SYMPK: variants seen among roughly 807,000 people sequenced by gnomAD.
SYMPK encodes the protein symplekin scaffold protein.
A neutral mutation model predicts 136.4 loss-of-function variants in SYMPK; 49 were observed. The ratio of observed to expected loss-of-function variants is 0.36; its 90% confidence interval spans 0.29 to 0.46. The LOEUF is 0.46. Among genes scored for constraint, SYMPK ranks in the 20% least tolerant of loss-of-function variants. The pLI, the probability that SYMPK is intolerant of heterozygous loss-of-function variation, is 1.00. For missense variants in SYMPK, 1,365 were observed against 1,690.0 expected (o/e 0.81, Z 3.37); for synonymous variants, 766 against 713.0 (o/e 1.07, Z -1.19).
At position 45,818,133 on chromosome 19, in the gene SYMPK, G is replaced by A; in HGVS notation, c.2907C>T (p.Cys969=). The A allele has an allele frequency of 6.5e-7, 1 of 1,547,770 alleles. No homozygotes were observed. Among genetic ancestry groups the A allele is most frequent in the Non-Finnish European group, 8.7e-7 (1 of 1,144,256 alleles). ...ACGTGTACACGTTCCGCTCCGCAAA[G>A]CACAGGTTGGTGGCTGCGAGGAGGC... The part of the protein sequence containing the change: ...MKSIIKATNL[C]FAERNVYTSE... Residue 969 remains cysteine (C), a synonymous_variant, in exon 23 of 27, where the codon TGC becomes TGT. Transcript: ENST00000245934.
At chr19:45,818,420 T>C (rs1295978901) in intron 22 of SYMPK, among the ~76,000 whole-genome samples, 3 of 152,120 alleles carry the variant, frequency 2.0e-5, no homozygotes, top group African/African-American at 7.2e-5. Context: ...GCCCCTCACT[T>C]TAAGGACGAC....
intron 1 of SYMPK, among the ~76,000 whole-genome samples, chr19:45,861,213 C>T (rs2146353289): frequency 6.6e-6 from 1 of 152,022 alleles, no homozygotes; most frequent in East Asian, 1.9e-4. Context: ...TAAAATAAAA[C>T]CCCATAATAA....
At chr19:45,849,502 A>G (rs538765569) in intron 5 of SYMPK, among the ~76,000 whole-genome samples, 1 of 152,218 alleles carries the variant, frequency 6.6e-6, no homozygotes, top group Non-Finnish European at 1.5e-5. Flanking sequence ...CACAGCATAC[A>G]TTACAATCTG....
chr19:45,822,967 C>T (rs1240290346), intron 20 of SYMPK, 121 bp from the exon 21 acceptor site: 4 of 765,654 alleles, frequency 5.2e-6, no homozygotes, highest in Non-Finnish European at 6.7e-6. Context: ...TCACTGAGCC[C>T]CTCCTACCCT....
chr19:45,854,864 A>G, intron 1 of SYMPK: 1 of 216,974 alleles, frequency 4.6e-6, no homozygotes, highest in Non-Finnish European at 9.2e-6. Flanking sequence ...TGGACTGGGC[A>G]CCACAGCAAA....
chr19:45,816,239 C>T lies in SYMPK; in HGVS notation c.3355-56G>A, dbSNP rs893546050. On this transcript the variant is annotated intron_variant, in intron 25 of 26. Coordinates refer to ENST00000245934, the MANE Select transcript of SYMPK (RefSeq NM_004819.3). ...AGAGGTGGGTGGCTCAGAGGACGGC[C>T]GGAAAGAGAAGGAACCACCCTGAGG... 8 of 1,317,878 alleles carry T rather than the reference C, an allele frequency of 6.1e-6. No homozygotes were observed. In the Admixed American group the frequency reaches 8.1e-5, roughly 13 times the overall value. 81.6% of individuals were successfully genotyped at this position (1,317,878 alleles called of 1,614,324 possible).
intron 9 of SYMPK, among the ~76,000 whole-genome samples, chr19:45,840,973 C>CA (rs1971421302): frequency 6.6e-6 from 1 of 151,976 alleles, no homozygotes; most frequent in Non-Finnish European, 1.5e-5. Flanking sequence ...ATCCCTACCT[C>CA]ACTCCTTAGA....
chr19:45,848,963 C>T (rs1211320171), intron 5 of SYMPK, 87 bp from the exon 6 acceptor site: 5 of 1,526,490 alleles, frequency 3.3e-6, no homozygotes, highest in Non-Finnish European at 4.5e-6. Context: ...GAAGGGAAAT[C>T]AGGGACCTGT....
chr19:45,842,185 G>A, intron 9 of SYMPK, 65 bp downstream of exon 9: 2 of 1,603,386 alleles, frequency 1.2e-6, no homozygotes, highest in Admixed American at 3.4e-5. Flanking sequence ...ATTCAGCATA[G>A]TTTAAGGTAA....
At chr19:45,825,464 T>C in intron 17 of SYMPK, 133 bp from the exon 18 acceptor site, 1 of 1,152,982 alleles carries the variant, frequency 8.7e-7, no homozygotes, top group Non-Finnish European at 1.2e-6. Flanking sequence ...GAGCTAATTG[T>C]TCTAGGGCAG....
intron 23 of SYMPK, chr19:45,817,261 A>C: frequency 2.4e-6 from 1 of 411,798 alleles, no homozygotes; most frequent in Non-Finnish European, 4.3e-6. Context: ...AGCACCTCTC[A>C]TGACATTCTC....
rs1568603629 is a variant in SYMPK, at chr19:45,815,421, C to CT, written c.*138_*139insA. 2.6e-5 allele frequency: 21 copies of CT among 812,056 alleles called. No individual in the cohort carries two copies. Among genetic ancestry groups the CT allele is most frequent in the African/African-American group, 1.5e-4 (3 of 20,522 alleles). The allele number at this position is 812,056 out of a possible 1,614,324, so 50.3% of individuals were successfully genotyped here. A position where few individuals can be genotyped will look rare whatever the true frequency, so the allele number is the denominator to read the frequency against. ...GCACCCGCGCCCCAGGCCCGCCATC[C>CT]CTTTTTTTTTTTCTTTTCAGTAACT... On this transcript the variant is annotated 3_prime_UTR_variant, in exon 27 of 27. Coordinates refer to ENST00000245934, the MANE Select transcript of SYMPK (RefSeq NM_004819.3).
chr19:45,844,022 T>A lies in SYMPK; in HGVS notation c.847+8A>T. ...AAGGCAGGGGGAGGGGGGAGGACAA[T>A]GACCTACCATGCAGAGTTTCATAGG... On this transcript the variant is annotated splice_region_variant and intron_variant, in intron 8 of 26. Transcript: ENST00000245934. The A allele has an allele frequency of 7.1e-7, 1 of 1,405,624 alleles. No individual in the cohort carries two copies. The allele number at this position is 1,405,624 out of a possible 1,614,324, so 87.1% of individuals were successfully genotyped here.
rs753192440 is a variant in SYMPK, at chr19:45,846,161, G to A, written c.676+1591C>T. On this transcript the variant is annotated intron_variant, in intron 7 of 26. Coordinates refer to ENST00000245934, the MANE Select transcript of SYMPK (RefSeq NM_004819.3). ...TGAGGCAGGAGAATGGCGTGAACAC[G>A]GGAGGCGGAGCATGCAGTGAGCCGA... 5.1e-4 allele frequency among the ~76,000 whole-genome samples: 78 copies of A among 152,314 alleles called. 1 individual carries two copies. In the Middle Eastern group the frequency reaches 0.014, roughly 27 times the overall value.
chr19:45,838,687 C>T (rs1029530701), intron 9 of SYMPK, 72 bp from the exon 10 acceptor site: 11 of 1,511,654 alleles, frequency 7.3e-6, no homozygotes, highest in South Asian at 2.5e-5. Context: ...CCGGGGTGCC[C>T]GGGTGGTCCC....
intron 10 of SYMPK, among the ~76,000 whole-genome samples, chr19:45,837,783 G>A (rs1006578964): frequency 2.0e-5 from 3 of 152,066 alleles, no homozygotes; most frequent in African/African-American, 7.2e-5. Flanking sequence ...AAGTGCTACA[G>A]GGGTGGAAAA....
intron 1 of SYMPK, among the ~76,000 whole-genome samples, chr19:45,858,512 G>A (rs1000159962): frequency 6.6e-6 from 1 of 151,912 alleles, no homozygotes; most frequent in Non-Finnish European, 1.5e-5. Context: ...CTTCCCTGAC[G>A]ACTATGTTTC....
chr19:45,822,094 T>C (rs1350609660), intron 21 of SYMPK, among the ~76,000 whole-genome samples: 1 of 151,286 alleles, frequency 6.6e-6, no homozygotes, highest in African/African-American at 2.4e-5. Context: ...TGCTAGTTTT[T>C]CTAAGTTGAA....
chr19:45,852,061 A>G (rs1971707815), intron 5 of SYMPK, among the ~76,000 whole-genome samples: 2 of 152,246 alleles, frequency 1.3e-5, no homozygotes, highest in African/African-American at 4.8e-5. Flanking sequence ...GATGCTACAG[A>G]TATTCTCAAA....
Sources: allele counts gnomAD v4.1 joint callset (sites outside exome capture counted in the v4.1 genomes callset), GRCh38; gene constraint gnomAD v4.1.1; transcripts MANE v1.5; gene names NCBI Gene and HGNC (gene_info 2026-07-23, HGNC 2026-07-21).